Variants in CCT4 observed in about 807,000 individuals in gnomAD.
CCT4 encodes chaperonin containing TCP1 subunit 4.
CCT4 carries 17 observed loss-of-function variants against 62.5 expected under a neutral mutation model. That is an observed-to-expected ratio of 0.27 (90% CI 0.19 to 0.41). CCT4 has a LOEUF of 0.41. Ranked by LOEUF, CCT4 falls within the 10% of genes least tolerant of loss-of-function variation. CCT4 has a pLI of 1.00. For synonymous variants in CCT4, 250 were observed against 229.9 expected (o/e 1.09, Z -0.79); for missense variants, 592 against 659.2 (o/e 0.90, Z 1.12).
chr2:61,881,825 AT>A (rs1265419348), intron 3 of CCT4, among the ~76,000 whole-genome samples: 95 of 151,998 alleles, frequency 6.3e-4, no homozygotes, highest in Non-Finnish European at 7.4e-5. Flanking sequence ...TATTTTGCCT[AT>A]TCCAGGTTGT....
chr2:61,886,304 C>T (rs1015074074), intron 1 of CCT4, among the ~76,000 whole-genome samples: 5 of 152,036 alleles, frequency 3.3e-5, no homozygotes, highest in Admixed American at 2.0e-4. Context: ...GCTAGCTACT[C>T]GGGAGGCTGA....
At chr2:61,888,356 G>A (rs778045508) in intron 1 of CCT4, 25 bp downstream of exon 1, 1 of 1,602,640 alleles carries the variant, frequency 6.2e-7, no homozygotes, top group South Asian at 1.1e-5. Flanking sequence ...CCGCGGCGCC[G>A]CGGGTCAGGC....
intron 2 of CCT4, among the ~76,000 whole-genome samples, chr2:61,884,005 T>C (rs1313382352): frequency 6.6e-6 from 1 of 152,144 alleles, no homozygotes; most frequent in Non-Finnish European, 1.5e-5. Context: ...TTGGGAAAGA[T>C]AGATTTTTGA....
At chr2:61,880,138 C>T in intron 4 of CCT4, 148 bp downstream of exon 4, 1 of 476,382 alleles carries the variant, frequency 2.1e-6, no homozygotes, top group Non-Finnish European at 3.7e-6. Context: ...ATAAATATAG[C>T]AAAATCTAAC....
Position 61,876,998 on chromosome 2 carries a change from C to T in CCT4, c.699G>A (p.Val233=), listed in dbSNP as rs749289993. The T allele has an allele frequency of 4.0e-5, 65 of 1,613,580 alleles. No homozygotes were observed. The highest frequency in any genetic ancestry group is 5.3e-5 in the Non-Finnish European group (63 of 1,179,662). Residue 233 remains valine (V), a synonymous_variant, in exon 7 of 14, where the codon GTG becomes GTA. Transcript: ENST00000394440. ...LVEGLVLTQK[V]SNSGITRVEK... is the part of the protein sequence containing the mutation. ...CAACTCTGGTTATGCCAGAATTTGA[C>T]ACTTTTTGGGTGAGAACCAGCCCTT...
At chr2:61,885,205 A>G in intron 1 of CCT4, 133 bp from the exon 2 acceptor site, 1 of 556,554 alleles carries the variant, frequency 1.8e-6, no homozygotes, top group South Asian at 2.7e-5. Context: ...GCCTCCCAGA[A>G]TAGCTGGGAG....
chr2:61,879,385 C>T (rs1669065520), intron 4 of CCT4, among the ~76,000 whole-genome samples: 1 of 150,470 alleles, frequency 6.6e-6, no homozygotes, highest in Admixed American at 6.7e-5. Context: ...CCTCAGCCTC[C>T]TGAGTAGCTG....
intron 12 of CCT4, 26 bp downstream of exon 12, chr2:61,872,056 T>G: frequency 6.9e-7 from 1 of 1,442,546 alleles, no homozygotes; most frequent in Non-Finnish European, 9.7e-7. Context: ...AATCAATATT[T>G]TCTACATTAG....
At chr2:61,870,272 C>G (rs1181398036) in intron 12 of CCT4, among the ~76,000 whole-genome samples, 2 of 151,886 alleles carry the variant, frequency 1.3e-5, no homozygotes, top group African/African-American at 2.4e-5. Flanking sequence ...GAGACTCTGT[C>G]TCAAAAAAAC....
At position 61,868,885 on chromosome 2, in the gene CCT4, C is replaced by T. The variant is rs186144100; in HGVS notation, c.1606-179G>A. ...GGCACGGTGGCTCATGCCTGTAATC[C>T]CAGCACTTTGGGAGGCTGAGGCAGG... On this transcript the variant is annotated intron_variant, in intron 13 of 13. Transcript: ENST00000394440. 1.4e-3 allele frequency: 775 copies of T among 555,958 alleles called. 1 individual carries two copies. The highest frequency in any genetic ancestry group is 2.1e-3 in the Middle Eastern group (5 of 2,342). The allele number at this position is 555,958 out of a possible 1,614,324, so 34.4% of individuals were successfully genotyped here.
At chr2:61,875,141 C>CA (rs56942624) in intron 8 of CCT4, among the ~76,000 whole-genome samples, 141,132 of 148,344 alleles carry the variant, frequency 0.95, 67,163 homozygotes, top group East Asian at 0.99. Flanking sequence ...AACTCCATTT[C>CA]AAAAAAAAAA....
At chr2:61,872,906 GAC>G in intron 10 of CCT4, 94 bp downstream of exon 10, 1 of 774,344 alleles carries the variant, frequency 1.3e-6, no homozygotes, top group South Asian at 1.6e-5. Flanking sequence ...CAACCTGGGC[GAC>G]AGAGTGAGAC....
At chr2:61,869,625 G>A (rs1444220554) in intron 12 of CCT4, 72 bp from the exon 13 acceptor site, 10 of 809,728 alleles carry the variant, frequency 1.2e-5, no homozygotes, top group Non-Finnish European at 1.8e-5. Context: ...GTGGTTACCA[G>A]TGTACCTCAA....
rs761422206 is a variant in CCT4 at position 61,878,854 on chromosome 2, T to C, written c.522+15A>G. On this transcript the variant is annotated intron_variant, in intron 5 of 13. Coordinates refer to ENST00000394440, the MANE Select transcript of CCT4 (RefSeq NM_006430.4). ...TTTAACTAATTTGACAAGTATCCGTTAGTGTTTGTCTCACCTTTGAGTTCA... is the reference window on the plus strand; with the variant it reads ...TTTAACTAATTTGACAAGTATCCGTCAGTGTTTGTCTCACCTTTGAGTTCA... The C allele has an allele frequency of 3.1e-6, 5 of 1,588,252 alleles. No homozygotes were observed. In the South Asian group the frequency reaches 5.6e-5, roughly 18 times the overall value.
At position 61,873,268 on chromosome 2, in the gene CCT4, G is replaced by C; in HGVS notation, c.943C>G (p.His315Asp). ...ATGATCTTCATTTTATTCAGAAAGT[G>C]TAATGCAAGATCACTAAGAGCATCT... ...LRDALSDLALHFLNKMKIMVI... is the reference protein window; with the variant it reads ...LRDALSDLALDFLNKMKIMVI... Residue 315 changes from histidine (H) to aspartate (D), a missense_variant, in exon 9 of 14, where the codon CAC becomes GAC. Coordinates refer to ENST00000394440, the MANE Select transcript of CCT4 (RefSeq NM_006430.4). 6.5e-7 allele frequency: 1 copy of C among 1,545,598 alleles called. No individual in the cohort carries two copies. The highest frequency in any genetic ancestry group is 8.9e-7 in the Non-Finnish European group (1 of 1,118,386).
chr2:61,874,352 G>C (rs1358084567), intron 8 of CCT4, among the ~76,000 whole-genome samples: 6 of 152,094 alleles, frequency 3.9e-5, no homozygotes, highest in African/African-American at 1.4e-4. Context: ...AGGCACGGTG[G>C]CTCACATCTG....
At chr2:61,878,723 T>G (rs1669050278) in intron 5 of CCT4, 146 bp downstream of exon 5, 1 of 492,568 alleles carries the variant, frequency 2.0e-6, no homozygotes, top group Non-Finnish European at 3.5e-6. Context: ...TTTCCTCTCT[T>G]AATCTTAAAC....
intron 8 of CCT4, among the ~76,000 whole-genome samples, chr2:61,875,047 CAGG>C (rs1300056673): frequency 6.6e-6 from 1 of 151,440 alleles, no homozygotes; most frequent in African/African-American, 2.4e-5. Context: ...GAGGCTGAGG[CAGG>C]AGACTTGCGT....
chr2:61,872,414 T>G, intron 11 of CCT4, 44 bp downstream of exon 11: 1 of 1,513,674 alleles, frequency 6.6e-7, no homozygotes, highest in Non-Finnish European at 9.0e-7. Context: ...ATATAATAGT[T>G]TTAATGTTCA....
Sources: gnomAD v4.1 joint callset for allele counts (sites outside exome capture counted in the v4.1 genomes callset) on GRCh38, gnomAD v4.1.1 for gene constraint, MANE v1.5 for transcripts, NCBI Gene and HGNC (gene_info 2026-07-23, HGNC 2026-07-21) for gene names.